Variants in FRMD6 observed in about 807,000 individuals in gnomAD.
The protein encoded by FRMD6 is FERM domain-containing protein 6.
Under a neutral mutation model 73.2 loss-of-function variants are expected in FRMD6, and 37 were observed. The ratio of observed to expected loss-of-function variants is 0.51; its 90% confidence interval spans 0.39 to 0.66. The LOEUF (loss-of-function observed/expected upper bound fraction) is 0.66. Among genes scored for constraint, FRMD6 ranks in the 30% least tolerant of loss-of-function variants. FRMD6 has a pLI of 0.00. For synonymous variants in FRMD6, 273 were observed against 282.2 expected (o/e 0.97, Z 0.33); for missense variants, 714 against 780.5 (o/e 0.91, Z 1.02).
At chr14:51,720,634 T>C (rs1897501579) in intron 11 of FRMD6, 1 of 522,688 alleles carries the variant, frequency 1.9e-6, no homozygotes, top group Non-Finnish European at 3.4e-6. Flanking sequence ...CTTAGCTGTT[T>C]CTATGAAGTA....
upstream of FRMD6, among the ~76,000 whole-genome samples, chr14:51,485,572 C>T (rs1301197340): frequency 1.3e-5 from 2 of 152,168 alleles, no homozygotes; most frequent in Non-Finnish European, 2.9e-5. Flanking sequence ...GGAACAGTAC[C>T]TGTGACCATC....
chr14:51,670,998 G>A (rs1045814057), intron 1 of FRMD6, among the ~76,000 whole-genome samples: 6 of 152,096 alleles, frequency 3.9e-5, no homozygotes, highest in African/African-American at 1.4e-4. Context: ...CTGTTTTTCT[G>A]CATCTATTGA....
At chr14:51,648,574 A>C (rs1892183390), upstream of FRMD6, among the ~76,000 whole-genome samples, 2 of 152,248 alleles carry the variant, frequency 1.3e-5, no homozygotes, top group South Asian at 4.1e-4. Flanking sequence ...GTTCTCAGGC[A>C]AACTTCTGTT....
At chr14:51,590,677 A>G (rs1363478479) in intron 2 of FRMD6, among the ~76,000 whole-genome samples, 1 of 152,232 alleles carries the variant, frequency 6.6e-6, no homozygotes, top group African/African-American at 2.4e-5. Context: ...AGTGAGGTGA[A>G]GGGATATTTG....
At chr14:51,522,378 G>C (rs137922777) in intron 1 of FRMD6, among the ~76,000 whole-genome samples, 4 of 152,126 alleles carry the variant, frequency 2.6e-5, no homozygotes, top group African/African-American at 9.7e-5. Context: ...ACAGGGGCAC[G>C]GGTAAAATAA....
intron 1 of FRMD6, among the ~76,000 whole-genome samples, chr14:51,530,126 T>C (rs1885495052): frequency 6.6e-6 from 1 of 152,224 alleles, no homozygotes; most frequent in African/African-American, 2.4e-5. Context: ...TAAAGAAAGG[T>C]AGTAAATACT....
intron 1 of FRMD6, among the ~76,000 whole-genome samples, chr14:51,678,768 T>A (rs965654857): frequency 4.4e-5 from 6 of 136,742 alleles, no homozygotes; most frequent in Admixed American, 8.8e-5. Context: ...GGAGGCATGC[T>A]TCACAGACCA....
intron 2 of FRMD6, among the ~76,000 whole-genome samples, chr14:51,592,301 C>A (rs1199186253): frequency 2.6e-5 from 4 of 152,108 alleles, no homozygotes; most frequent in East Asian, 1.9e-4. Flanking sequence ...TGTTAGGATG[C>A]CTTGTTGCTG....
At chr14:51,671,910 C>T (rs966515951) in intron 1 of FRMD6, among the ~76,000 whole-genome samples, 6 of 152,200 alleles carry the variant, frequency 3.9e-5, no homozygotes, top group African/African-American at 1.4e-4. Flanking sequence ...GTTAATTCAG[C>T]TTACACAATC....
chr14:51,559,883 C>G (rs1200631092), intron 1 of FRMD6, among the ~76,000 whole-genome samples: 3 of 152,174 alleles, frequency 2.0e-5, no homozygotes, highest in Non-Finnish European at 4.4e-5. Flanking sequence ...AGTATAAGCA[C>G]AGTCATGTTC....
the FRMD6 span, among the ~76,000 whole-genome samples, chr14:51,445,474 A>ATTTTT: frequency 1.3e-4 from 19 of 149,482 alleles, no homozygotes; most frequent in Middle Eastern, 3.5e-3. Context: ...CAGAAGTGCA[A>ATTTTT]TTTTTTTTTT....
At chr14:51,719,228 A>AG (rs60425088) in intron 10 of FRMD6, among the ~76,000 whole-genome samples, 44,400 of 152,056 alleles carry the variant, frequency 0.29, 6,947 homozygotes, top group African/African-American at 0.39. Context: ...TGGTTAGTTT[A>AG]TATGTAATAA....
At chr14:51,713,164 T>G (rs541846781) in intron 9 of FRMD6, among the ~76,000 whole-genome samples, 1 of 152,106 alleles carries the variant, frequency 6.6e-6, no homozygotes, top group Non-Finnish European at 1.5e-5. Flanking sequence ...GTCATAAAAA[T>G]TCATAGTTCT....
At chr14:51,484,910 G>C (rs1342156435), upstream of FRMD6, among the ~76,000 whole-genome samples, 1 of 152,174 alleles carries the variant, frequency 6.6e-6, no homozygotes, top group Non-Finnish European at 1.5e-5. Flanking sequence ...GTTGAACACA[G>C]CTACTCTCTG....
chr14:51,688,090 G>A lies in FRMD6; in HGVS notation c.-146-1601G>A, dbSNP rs375534050. On this transcript the variant is annotated intron_variant, in intron 1 of 13. Coordinates refer to ENST00000344768, the MANE Select transcript of FRMD6 (RefSeq NM_001267046.2). Reference sequence around the variant, plus strand: ...ACCCTGGTCCTCCAACTGATGCTTTGGAATTGTTGAAGGAAAAGCATGCGT... The same window carrying A: ...ACCCTGGTCCTCCAACTGATGCTTTAGAATTGTTGAAGGAAAAGCATGCGT... Among the ~76,000 whole-genome samples, 26 of 151,924 alleles carry A rather than the reference G, an allele frequency of 1.7e-4. No individual in the cohort carries two copies. In the East Asian group the frequency reaches 4.8e-3, roughly 28 times the overall value.
At chr14:51,520,203 G>A (rs1229434023) in intron 1 of FRMD6, among the ~76,000 whole-genome samples, 1 of 152,060 alleles carries the variant, frequency 6.6e-6, no homozygotes, top group Non-Finnish European at 1.5e-5. Flanking sequence ...TATATGAGTG[G>A]CCAAAAAACA....
chr14:51,669,707 T>C (rs1157416432), intron 1 of FRMD6, among the ~76,000 whole-genome samples: 1 of 152,226 alleles, frequency 6.6e-6, no homozygotes, highest in Non-Finnish European at 1.5e-5. Context: ...TGTTCTTGAG[T>C]TGTAATATTT....
At chr14:51,526,467 GC>G (rs1259180274) in intron 1 of FRMD6, among the ~76,000 whole-genome samples, 1 of 152,140 alleles carries the variant, frequency 6.6e-6, no homozygotes, top group Non-Finnish European at 1.5e-5. Context: ...CAGCTCCCTT[GC>G]CCCTTGGGTG....
chr14:51,560,419 T>C (rs957294024), intron 1 of FRMD6, among the ~76,000 whole-genome samples: 13 of 152,208 alleles, frequency 8.5e-5, no homozygotes, highest in African/African-American at 3.1e-4. Context: ...ACAGACAGGC[T>C]TGGTATAACA....
Sources: allele counts gnomAD v4.1 joint callset (sites outside exome capture counted in the v4.1 genomes callset), GRCh38; gene constraint gnomAD v4.1.1; transcripts MANE v1.5; gene names NCBI Gene and HGNC (gene_info 2026-07-23, HGNC 2026-07-21).